The following CELF4 variants were observed in gnomAD, a reference collection of about 807,000 sequenced individuals.
The protein encoded by CELF4 is CUG-BP- and ETR-3-like factor 4.
A neutral mutation model predicts 59.9 loss-of-function variants in CELF4; 18 were observed. The observed-to-expected ratio is 0.30, with a 90% CI of 0.21 to 0.45. CELF4 has a LOEUF of 0.45. CELF4 is among the 20% of genes least tolerant of loss of function. The probability of loss-of-function intolerance (pLI) is 1.00; values close to 1 mark genes in which losing one functional copy is unlikely to be tolerated. For missense variants in CELF4, 456 were observed against 689.0 expected, an observed-to-expected ratio of 0.66 and a Z score of 3.79; for synonymous variants, 261 against 267.1, an observed-to-expected ratio of 0.98 and a Z score of 0.22.
At position 37,244,712 on chromosome 18, in the gene CELF4, TA is replaced by T. The variant is rs1340003690; in HGVS notation, c.*529del. The T allele has an allele frequency of 6.6e-6, 1 of 152,512 alleles. No homozygotes were observed. The highest frequency in any genetic ancestry group is 6.5e-5 in the Admixed American group (1 of 15,274). The allele number at this position is 152,512 out of a possible 1,614,324, so 9.4% of individuals were successfully genotyped here. On this transcript the variant is annotated 3_prime_UTR_variant, in exon 13 of 13. Transcript: ENST00000420428. ...TTGACATAGAGCTACACATCTGCAA[TA>T]AAAAGTTTGGTCCTTTGGTCCCTAA...
chr18:37,374,582 C>A (rs1333556660), intron 2 of CELF4, among the ~76,000 whole-genome samples: 4 of 152,218 alleles, frequency 2.6e-5, no homozygotes, highest in Non-Finnish European at 5.9e-5. Context: ...GAAGCAGGGG[C>A]TCCCCTGGTC....
chr18:37,534,877 A>G (rs1019303607), intron 1 of CELF4, among the ~76,000 whole-genome samples: 1 of 151,908 alleles, frequency 6.6e-6, no homozygotes, highest in African/African-American at 2.4e-5. Flanking sequence ...TGTTTACAGA[A>G]CCCCTTCTGA....
intron 2 of CELF4, among the ~76,000 whole-genome samples, chr18:37,339,147 C>T (rs2097896941): frequency 6.6e-6 from 1 of 152,246 alleles, no homozygotes; most frequent in African/African-American, 2.4e-5. Flanking sequence ...TTTCCTATCT[C>T]CTGCCTCTCT....
At chr18:37,406,284 C>T (rs764857555) in intron 2 of CELF4, among the ~76,000 whole-genome samples, 1 of 152,034 alleles carries the variant, frequency 6.6e-6, no homozygotes, top group Non-Finnish European at 1.5e-5. Flanking sequence ...TCCTCGGAGC[C>T]CCACACATGC....
intron 2 of CELF4, among the ~76,000 whole-genome samples, chr18:37,367,120 G>A (rs1270202632): frequency 6.6e-6 from 1 of 152,148 alleles, no homozygotes; most frequent in African/African-American, 2.4e-5. Context: ...CTGAGGAGGG[G>A]GCATTGCAGG....
intron 3 of CELF4, among the ~76,000 whole-genome samples, chr18:37,306,962 G>A (rs1259117296): frequency 6.6e-6 from 1 of 152,224 alleles, no homozygotes; most frequent in Non-Finnish European, 1.5e-5. Flanking sequence ...CCCAGGGAGA[G>A]GGGAGAGGAG....
intron 1 of CELF4, among the ~76,000 whole-genome samples, chr18:37,486,418 C>G (rs1340701375): frequency 6.6e-6 from 1 of 152,260 alleles, no homozygotes; most frequent in East Asian, 1.9e-4. Context: ...GCCAGGGAAT[C>G]CGGATTTGAC....
intron 3 of CELF4, among the ~76,000 whole-genome samples, chr18:37,309,497 T>C (rs1195815189): frequency 6.6e-6 from 1 of 152,058 alleles, no homozygotes; most frequent in Non-Finnish European, 1.5e-5. Flanking sequence ...CAGGCAGTAA[T>C]TGGTCCCCAT....
intron 2 of CELF4, among the ~76,000 whole-genome samples, chr18:37,436,991 A>G (rs911827498): frequency 1.3e-5 from 2 of 152,202 alleles, no homozygotes; most frequent in African/African-American, 4.8e-5. Context: ...AATAGTTCTG[A>G]TAATGGGGGG....
At chr18:37,304,345 C>T (rs542224762) in intron 3 of CELF4, among the ~76,000 whole-genome samples, 1 of 152,276 alleles carries the variant, frequency 6.6e-6, no homozygotes, top group African/African-American at 2.4e-5. Context: ...ACTGACCAGG[C>T]CCCAGGGGGT....
chr18:37,334,262 C>T (rs2097681169), intron 2 of CELF4, among the ~76,000 whole-genome samples: 1 of 152,236 alleles, frequency 6.6e-6, no homozygotes, highest in African/African-American at 2.4e-5. Context: ...GCAACTCAAG[C>T]CCATCTTCCA....
chr18:37,257,613 AC>A (rs2070774643), intron 11 of CELF4, among the ~76,000 whole-genome samples: 1 of 152,114 alleles, frequency 6.6e-6, no homozygotes, highest in African/African-American at 2.4e-5. Context: ...TGGACTCCAG[AC>A]TGGAAACTCC....
chr18:37,516,173 C>G (rs568782195), intron 1 of CELF4, among the ~76,000 whole-genome samples: 4 of 152,298 alleles, frequency 2.6e-5, no homozygotes, highest in Admixed American at 6.5e-5. Flanking sequence ...TCATCCTAAT[C>G]ATAGAGCCCA....
chr18:37,259,026 T>G, intron 11 of CELF4, 155 bp downstream of exon 11: 1 of 1,146,344 alleles, frequency 8.7e-7, no homozygotes, highest in Non-Finnish European at 1.2e-6. Flanking sequence ...GGGGGCAATG[T>G]GAAGGAGCAG....
chr18:37,311,612 AC>A (rs1286248512), intron 3 of CELF4, among the ~76,000 whole-genome samples: 1 of 151,174 alleles, frequency 6.6e-6, no homozygotes, highest in Non-Finnish European at 1.5e-5. Context: ...AGATGGTAAA[AC>A]CCCGTCTCTA....
At chr18:37,395,635 C>A (rs1396138159) in intron 2 of CELF4, among the ~76,000 whole-genome samples, 1 of 152,224 alleles carries the variant, frequency 6.6e-6, no homozygotes, top group Non-Finnish European at 1.5e-5. Flanking sequence ...CAGAGAGAAT[C>A]TGTCATCTTG....
intron 2 of CELF4, among the ~76,000 whole-genome samples, chr18:37,359,785 G>T (rs2098671268): frequency 6.6e-6 from 1 of 151,972 alleles, no homozygotes; most frequent in East Asian, 1.9e-4. Context: ...CTGACCTCGT[G>T]GTCCGCCCAC....
intron 2 of CELF4, among the ~76,000 whole-genome samples, chr18:37,360,720 G>T (rs1453185008): frequency 6.6e-6 from 1 of 152,162 alleles, no homozygotes; most frequent in Non-Finnish European, 1.5e-5. Flanking sequence ...CTTGATATTT[G>T]GGTTCTGTAC....
intron 3 of CELF4, among the ~76,000 whole-genome samples, chr18:37,319,505 C>A (rs2097009149): frequency 6.6e-6 from 1 of 152,190 alleles, no homozygotes; most frequent in Admixed American, 6.5e-5. Flanking sequence ...TGGGAGGGGG[C>A]CTGAGTCCTA....
Sources: gnomAD v4.1 joint callset for allele counts (sites outside exome capture counted in the v4.1 genomes callset) on GRCh38, gnomAD v4.1.1 for gene constraint, MANE v1.5 for transcripts, NCBI Gene and HGNC (gene_info 2026-07-23, HGNC 2026-07-21) for gene names.